The following FNTB variants were observed in gnomAD, a reference collection of about 807,000 sequenced individuals.
FNTB encodes the protein farnesyltransferase, CAAX box, subunit beta, also known as protein farnesyltransferase subunit beta.
FNTB carries 27 observed loss-of-function variants against 59.4 expected under a neutral mutation model. The ratio of observed to expected loss-of-function variants is 0.45; its 90% CI spans 0.34 to 0.63. FNTB has a LOEUF of 0.63. Among genes scored for constraint, FNTB ranks in the 20% least tolerant of loss-of-function variants. The pLI is 0.02. For synonymous variants in FNTB, 230 were observed against 220.7 expected, an observed-to-expected ratio of 1.04 and a Z score of -0.37; for missense variants, 449 against 559.6, an observed-to-expected ratio of 0.80 and a Z score of 1.99.
At chr14:65,043,989 G>A (rs1423081057) in intron 8 of FNTB, among the ~76,000 whole-genome samples, 1 of 152,166 alleles carries the variant, frequency 6.6e-6, no homozygotes, top group Non-Finnish European at 1.5e-5. Flanking sequence ...AAGAGACTTT[G>A]AAGGTCTCCT....
chr14:65,021,592 A>G (rs1276726801), intron 4 of FNTB, among the ~76,000 whole-genome samples: 1 of 152,112 alleles, frequency 6.6e-6, no homozygotes, highest in Non-Finnish European at 1.5e-5. Context: ...CGGTCCCTGC[A>G]CCAAAGAATT....
intron 1 of FNTB, among the ~76,000 whole-genome samples, chr14:64,998,163 A>G (rs1888472077): frequency 1.3e-5 from 2 of 152,240 alleles, no homozygotes; most frequent in Admixed American, 6.5e-5. Flanking sequence ...GAATGAAGAA[A>G]GTACTATTTG....
Position 65,027,826 on chromosome 14 carries a change from G to A in FNTB, c.605+45G>A. 1 of 1,611,726 alleles carries A rather than the reference G, an allele frequency of 6.2e-7. No homozygotes were observed. The highest frequency in any genetic ancestry group is 8.5e-7 in the Non-Finnish European group (1 of 1,178,572). On this transcript the variant is annotated intron_variant, in intron 6 of 11. Coordinates refer to ENST00000246166, the MANE Select transcript of FNTB (RefSeq NM_002028.4). The surrounding 1 kb of genome is among the most constrained non-coding windows in gnomAD (Gnocchi z 5.7). ...GGCTGCCACATCAGTTGACTCTAGA[G>A]CTCATCTGCCATTAGAGATGCCAAG...
chr14:65,038,267 G>A (rs542964442), intron 7 of FNTB, among the ~76,000 whole-genome samples: 16 of 151,812 alleles, frequency 1.1e-4, no homozygotes, highest in Non-Finnish European at 2.2e-4. Flanking sequence ...AACATTAGCC[G>A]GGTGTGGTGG....
rs939597570 is a variant in FNTB, at chr14:65,014,893, T to A, written c.283-732T>A. On this transcript the variant is annotated intron_variant, in intron 3 of 11. Coordinates refer to ENST00000246166, the MANE Select transcript of FNTB (RefSeq NM_002028.4). This position sits in a 1 kb window ranked among gnomAD's most constrained non-coding sequence, Gnocchi z 5.1. The stretch of plus-strand genomic sequence containing the variant: ...CAGTGCTTGGCACAAGTAGATACTA[T>A]CAAATATTTGTTGAATCAGTGATTG... Among the ~76,000 whole-genome samples, 3 of 152,116 alleles carry A rather than the reference T, an allele frequency of 2.0e-5. No individual in the cohort carries two copies. Among genetic ancestry groups the A allele is most frequent in the East Asian group, 3.8e-4 (2 of 5,202 alleles).
intron 10 of FNTB, among the ~76,000 whole-genome samples, chr14:65,053,568 G>A (rs547399852): frequency 2.7e-5 from 4 of 150,184 alleles, no homozygotes; most frequent in African/African-American, 1.0e-4. Flanking sequence ...CAGCCTGCAT[G>A]CAACCCCCTC....
In FNTB at chr14:65,031,052, C is replaced by T. The variant is rs1016991163; in HGVS notation, c.606-1558C>T. 6.6e-6 allele frequency among the ~76,000 whole-genome samples: 1 copy of T among 152,046 alleles called. No homozygotes were observed. The highest frequency in any genetic ancestry group is 2.4e-5 in the African/African-American group (1 of 41,408). ...CGAACTCCTGACCTCAAATAATCCA[C>T]CTGCCTTAGCCTCCCAAAGTGCTGG... is the stretch of plus-strand genomic sequence containing the variant. On this transcript the variant is annotated intron_variant, in intron 6 of 11. Transcript: ENST00000246166. The surrounding 1 kb of genome is among the most constrained non-coding windows in gnomAD (Gnocchi z 4.6).
rs1466195234 is a variant in FNTB, at chr14:65,009,874, C to T, written c.210-2443C>T. Among the ~76,000 whole-genome samples the T allele has an allele frequency of 6.6e-6, 1 of 152,128 alleles. No individual in the cohort carries two copies. The highest frequency in any genetic ancestry group is 2.4e-5 in the African/African-American group (1 of 41,434). On this transcript the variant is annotated intron_variant, in intron 2 of 11. Transcript: ENST00000246166. This position sits in a 1 kb window ranked among gnomAD's most constrained non-coding sequence, Gnocchi z 4.2. ...ATCACAGCGTTTATTGGACAGGGCT[C>T]TGCTTGTCATTTTCACATGTGTGTC...
At chr14:65,052,064 G>C (rs917577984) in intron 9 of FNTB, among the ~76,000 whole-genome samples, 1 of 151,838 alleles carries the variant, frequency 6.6e-6, no homozygotes, top group Non-Finnish European at 1.5e-5. Context: ...CAAAGTGCTG[G>C]GATTACAGGC....
chr14:65,057,469 C>T (rs2062762169), intron 11 of FNTB, among the ~76,000 whole-genome samples: 1 of 152,052 alleles, frequency 6.6e-6, no homozygotes, highest in Non-Finnish European at 1.5e-5. Flanking sequence ...TTGAAGTGGT[C>T]AAATCTATTT....
At position 65,061,383 on chromosome 14, in the gene FNTB, A is replaced by C. The variant is rs961488871; in HGVS notation, c.*71A>C. Reference sequence around the variant, plus strand: ...AGACAAGGTTTATACGTTTCAATACATACTGCATTCTGTGCTACACAAGCC... The same window carrying C: ...AGACAAGGTTTATACGTTTCAATACCTACTGCATTCTGTGCTACACAAGCC... On this transcript the variant is annotated 3_prime_UTR_variant, in exon 12 of 12. Transcript: ENST00000246166. 1.7e-5 allele frequency: 27 copies of C among 1,598,468 alleles called. No individual in the cohort carries two copies. The highest frequency in any genetic ancestry group is 2.3e-5 in the Non-Finnish European group (27 of 1,173,254).
chr14:65,002,626 T>TA lies in FNTB; in HGVS notation c.145-1614dup, dbSNP rs201820812. Among the ~76,000 whole-genome samples the TA allele has an allele frequency of 5.1e-4, 76 of 150,328 alleles. 1 individual carries two copies. The highest frequency in any genetic ancestry group is 1.8e-3 in the African/African-American group (73 of 40,878). On this transcript the variant is annotated intron_variant, in intron 1 of 11. Transcript: ENST00000246166. Reference sequence around the variant, plus strand: ...TCTCAAAAAAATAATAATAATAAAATAAAAAAAAAGAAAGACCGGGGTTGC... The same window carrying TA: ...TCTCAAAAAAATAATAATAATAAAATAAAAAAAAAAGAAAGACCGGGGTTGC...
At chr14:65,002,687 T>C (rs1219382058) in intron 1 of FNTB, among the ~76,000 whole-genome samples, 1 of 152,004 alleles carries the variant, frequency 6.6e-6, no homozygotes, top group Non-Finnish European at 1.5e-5. Context: ...GGTCACCTGA[T>C]GAGGAGATGG....
rs564405361 is a variant in FNTB at position 64,987,154 on chromosome 14, C to A, written c.144+57C>A. Reference sequence around the variant, plus strand: ...GCGATGTGTTCTGGGAGCGCGAGTCCCGTTCGTAGGGCCGCCCGGGTGCGG... The same window carrying A: ...GCGATGTGTTCTGGGAGCGCGAGTCACGTTCGTAGGGCCGCCCGGGTGCGG... On this transcript the variant is annotated intron_variant, in intron 1 of 11. Coordinates refer to ENST00000246166, the MANE Select transcript of FNTB (RefSeq NM_002028.4). The A allele has an allele frequency of 1.8e-4, 284 of 1,600,864 alleles. 6 individuals carry two copies. The South Asian group carries it at 3.0e-3, about 17-fold the overall frequency.
chr14:65,009,189 TA>T lies in FNTB; in HGVS notation c.210-3126del, dbSNP rs375394489. ...GGGTATTAGTCAGCTTGGGCTGCCA[TA>T]AGACGGTATCACAGATGGGGTGCAT... On this transcript the variant is annotated intron_variant, in intron 2 of 11. Transcript: ENST00000246166. The surrounding 1 kb of genome is among the most constrained non-coding windows in gnomAD (Gnocchi z 4.2). Among the ~76,000 whole-genome samples the T allele has an allele frequency of 3.7e-3, 564 of 152,316 alleles. 2 individuals carry two copies. Among genetic ancestry groups the T allele is most frequent in the African/African-American group, 0.011 (475 of 41,574 alleles).
chr14:64,993,722 G>A (rs143332300), intron 1 of FNTB, among the ~76,000 whole-genome samples: 2 of 152,294 alleles, frequency 1.3e-5, no homozygotes, highest in East Asian at 3.9e-4. Context: ...ATGAAAGTTG[G>A]TGCCTCATGA....
In FNTB at chr14:65,037,403, C is replaced by CTTTTTTTTTTTTTTTTTTTTTTTT. The variant is rs1555335876; in HGVS notation, c.693-3367_693-3344dup. Among the ~76,000 whole-genome samples the CTTTTTTTTTTTTTTTTTTTTTTTT allele has an allele frequency of 2.0e-4, 6 of 29,646 alleles. 1 individual carries two copies. The highest frequency in any genetic ancestry group is 8.5e-4 in the Admixed American group (2 of 2,366). The allele number at this position is 29,646 out of a possible 152,430, so 19.4% of individuals were successfully genotyped here. A position where few individuals can be genotyped will look rare whatever the true frequency, so the allele number is the denominator to read the frequency against. On this transcript the variant is annotated intron_variant, in intron 7 of 11. Coordinates refer to ENST00000246166, the MANE Select transcript of FNTB (RefSeq NM_002028.4). ...TAGGCGTGAGCCACCACGCCGGGCC[C>CTTTTTTTTTTTTTTTTTTTTTTTT]TTTTTTTTTTTTTTTTTTTTTTTTT...
At position 65,062,582 on chromosome 14, in the gene FNTB, A is replaced by G. The variant is rs926895687; in HGVS notation, c.*1270A>G. On this transcript the variant is annotated 3_prime_UTR_variant, in exon 12 of 12. Coordinates refer to ENST00000246166, the MANE Select transcript of FNTB (RefSeq NM_002028.4). This position sits in a 1 kb window ranked among gnomAD's most constrained non-coding sequence, Gnocchi z 4.3. The stretch of plus-strand genomic sequence containing the variant: ...AAAAACCTGGCCATTTGCTGCCTCT[A>G]ATTCCCTTTTGCTTTGCCATATTGG... The G allele has an allele frequency of 2.0e-5, 3 of 152,812 alleles. No individual in the cohort carries two copies. Among genetic ancestry groups the G allele is most frequent in the African/African-American group, 4.8e-5 (2 of 41,594 alleles). The allele number at this position is 152,812 out of a possible 1,614,324, so 9.5% of individuals were successfully genotyped here.
chr14:65,061,661 T>C lies in FNTB; in HGVS notation c.*349T>C. On this transcript the variant is annotated 3_prime_UTR_variant, in exon 12 of 12. Coordinates refer to ENST00000246166, the MANE Select transcript of FNTB (RefSeq NM_002028.4). ...TGAGTATTACGGCATCCAGAGCCAC[T>C]GCTGACTCCCACTTGCACGCCACCA... 59 of 212,086 alleles carry C rather than the reference T, an allele frequency of 2.8e-4. No individual in the cohort carries two copies. Among genetic ancestry groups the C allele is most frequent in the East Asian group, 9.0e-4 (9 of 10,040 alleles). The allele number at this position is 212,086 out of a possible 1,614,324, so 13.1% of individuals were successfully genotyped here. A position where few individuals can be genotyped will look rare whatever the true frequency, so the allele number is the denominator to read the frequency against.
Sources: allele counts gnomAD v4.1 joint callset (sites outside exome capture counted in the v4.1 genomes callset), GRCh38; gene constraint gnomAD v4.1.1; non-coding constraint Gnocchi (gnomAD v3.1); transcripts MANE v1.5; gene names NCBI Gene and HGNC (gene_info 2026-07-23, HGNC 2026-07-21).